The following DMD variants were observed in gnomAD, a reference collection of about 807,000 sequenced individuals.
DMD encodes mutant dystrophin.
DMD carries 63 observed loss-of-function variants against 330.1 expected under a neutral mutation model. That is an observed-to-expected ratio of 0.19 (90% CI 0.16 to 0.24). The LOEUF (loss-of-function observed/expected upper bound fraction) is 0.24. Among genes scored for constraint, DMD ranks in the 10% least tolerant of loss-of-function variants. The pLI is 1.00. For synonymous variants in DMD, 1,223 were observed against 959.8 expected, an observed-to-expected ratio of 1.27 and a Z score of -5.07; for missense variants, 3,344 against 2,684.1, an observed-to-expected ratio of 1.25 and a Z score of -5.43.
rs192690996 is a variant in DMD at position 32,691,271 on chromosome X, C to A, written c.960+6599G>T. 3.7e-3 allele frequency among the ~76,000 whole-genome samples: 400 copies of A among 107,937 alleles called. 3 individuals are homozygous for A. The highest frequency in any genetic ancestry group is 0.012 in the African/African-American group (367 of 29,847). 93.7% of individuals were successfully genotyped at this position (107,937 alleles called of 115,157 possible). A position where few individuals can be genotyped will look rare whatever the true frequency, so the allele number is the denominator to read the frequency against. On this transcript the variant is annotated intron_variant, in intron 9 of 78. Transcript: ENST00000357033. ...ACCTGAAGACCTTATATTATATTAA[C>A]AACTGGTTATCTTCTAAAATATATA...
chrX:32,199,848 T>G lies in DMD; in HGVS notation c.6438+17068A>C, dbSNP rs1051749481. Reference sequence around the variant, plus strand: ...TGTGTATTTTTAGTAGAGGTGGAGTTTCACCCTGTAGGCCAGGCTAGACTC... The same window carrying G: ...TGTGTATTTTTAGTAGAGGTGGAGTGTCACCCTGTAGGCCAGGCTAGACTC... On this transcript the variant is annotated intron_variant, in intron 44 of 78. Coordinates refer to ENST00000357033, the MANE Select transcript of DMD (RefSeq NM_004006.3). 3.0e-5 allele frequency among the ~76,000 whole-genome samples: 3 copies of G among 100,383 alleles called. No individual in the cohort carries two copies. The Admixed American group carries it at 3.4e-4, about 12-fold the overall frequency. The allele number at this position is 100,383 out of a possible 115,157, so 87.2% of individuals were successfully genotyped here.
chrX:32,772,255 C>A (rs1212763203), intron 7 of DMD, among the ~76,000 whole-genome samples: 1 of 112,722 alleles, frequency 8.9e-6, no homozygotes, highest in Non-Finnish European at 1.9e-5. Context: ...GCACTTACAT[C>A]CCACAAGATG....
At chrX:32,545,726 A>T (rs2048904365) in intron 16 of DMD, among the ~76,000 whole-genome samples, 1 of 111,500 alleles carries the variant, frequency 9.0e-6, no homozygotes, top group Admixed American at 9.6e-5. Flanking sequence ...CATTGCCTAG[A>T]ACATTTTAAA....
intron 17 of DMD, among the ~76,000 whole-genome samples, chrX:32,539,989 C>T (rs1020981428): frequency 7.2e-5 from 8 of 111,724 alleles, no homozygotes; most frequent in South Asian, 3.8e-4. Flanking sequence ...CATTTATGAA[C>T]GCTTTACTTG....
intron 60 of DMD, among the ~76,000 whole-genome samples, chrX:31,366,897 A>C (rs1260435932): frequency 3.6e-5 from 4 of 110,591 alleles, no homozygotes; most frequent in Non-Finnish European, 5.7e-5. Flanking sequence ...ATGCTACAGC[A>C]TAAGTGCCTT....
At chrX:32,848,479 T>C (rs1348490834) in intron 3 of DMD, among the ~76,000 whole-genome samples, 1 of 111,853 alleles carries the variant, frequency 8.9e-6, no homozygotes, top group East Asian at 2.8e-4. Flanking sequence ...TAAATCTGAT[T>C]TTCCCCCTTG....
intron 41 of DMD, among the ~76,000 whole-genome samples, chrX:32,314,962 T>C (rs2148628567): frequency 8.9e-6 from 1 of 111,826 alleles, no homozygotes; most frequent in Non-Finnish European, 1.9e-5. Flanking sequence ...AGTTCCACCA[T>C]TGTGGAAGAC....
intron 11 of DMD, among the ~76,000 whole-genome samples, chrX:32,640,690 A>T (rs2059391717): frequency 9.0e-6 from 1 of 111,382 alleles, no homozygotes; most frequent in Non-Finnish European, 1.9e-5. Context: ...ATAGTAAAGT[A>T]TACTTTTATC....
intron 45 of DMD, among the ~76,000 whole-genome samples, chrX:31,967,997 C>A (rs1270730457): frequency 9.0e-6 from 1 of 111,225 alleles, no homozygotes; most frequent in Non-Finnish European, 1.9e-5. Context: ...ACAAAACAAT[C>A]ATTTATAATT....
chrX:32,815,004 T>A (rs1270908142), intron 6 of DMD, among the ~76,000 whole-genome samples: 2 of 111,523 alleles, frequency 1.8e-5, no homozygotes, highest in African/African-American at 3.3e-5. Context: ...TCTCTATCCC[T>A]TCTCATCTAA....
intron 29 of DMD, among the ~76,000 whole-genome samples, chrX:32,433,314 T>A (rs1206136078): frequency 3.6e-5 from 4 of 111,695 alleles, no homozygotes; most frequent in Non-Finnish European, 7.5e-5. Context: ...AAGAGATGGG[T>A]CTAAATGCTC....
In DMD at chrX:31,409,882, G is replaced by A. The variant is rs767239344; in HGVS notation, c.9084+34599C>T. ...CGCCCAGGCTGGAGGGCAGTGACACGATCTCTGCTCACTGCAACCTCTGCC... is the reference window on the plus strand; with the variant it reads ...CGCCCAGGCTGGAGGGCAGTGACACAATCTCTGCTCACTGCAACCTCTGCC... On this transcript the variant is annotated intron_variant, in intron 60 of 78. Coordinates refer to ENST00000357033, the MANE Select transcript of DMD (RefSeq NM_004006.3). Among the ~76,000 whole-genome samples, 30 of 111,768 alleles carry A rather than the reference G, an allele frequency of 2.7e-4. No individual in the cohort carries two copies. In the East Asian group the frequency reaches 5.9e-3, roughly 22 times the overall value.
chrX:32,949,178 T>A (rs2091021836), intron 2 of DMD, among the ~76,000 whole-genome samples: 1 of 109,361 alleles, frequency 9.1e-6, no homozygotes, highest in Admixed American at 1.0e-4. Context: ...AACCTAGAGG[T>A]AAAGTGTATG....
chrX:32,260,115 G>A (rs2097315891), intron 43 of DMD, among the ~76,000 whole-genome samples: 1 of 111,212 alleles, frequency 9.0e-6, no homozygotes, highest in African/African-American at 3.3e-5. Context: ...TTTCGTGAGT[G>A]CAATTGTGAT....
At chrX:31,768,445 C>T (rs2090138330) in intron 51 of DMD, among the ~76,000 whole-genome samples, 1 of 107,873 alleles carries the variant, frequency 9.3e-6, no homozygotes, top group Non-Finnish European at 1.9e-5. Flanking sequence ...TTTCTCTCTC[C>T]TTCCCCTTTT....
chrX:33,160,994 A>G (rs2048744003), intron 1 of DMD, among the ~76,000 whole-genome samples: 2 of 112,018 alleles, frequency 1.8e-5, no homozygotes, highest in Admixed American at 1.9e-4. Context: ...ATTTCTCCCC[A>G]AATTTTGTAA....
intron 74 of DMD, among the ~76,000 whole-genome samples, chrX:31,149,548 A>G (rs925802475): frequency 4.4e-5 from 5 of 112,563 alleles, no homozygotes; most frequent in Non-Finnish European, 9.4e-5. Flanking sequence ...AACTAAGTTC[A>G]TAATAATTGA....
intron 16 of DMD, among the ~76,000 whole-genome samples, chrX:32,551,599 A>T (rs2049567384): frequency 1.8e-5 from 2 of 111,869 alleles, no homozygotes; most frequent in African/African-American, 6.5e-5. Context: ...GCCCTCTCTT[A>T]CAAATCTCAT....
intron 55 of DMD, among the ~76,000 whole-genome samples, chrX:31,569,606 G>GTATATACGTATATATACGTATATACGTA (rs2075661201): frequency 1.0e-5 from 1 of 95,368 alleles, no homozygotes; most frequent in East Asian, 3.1e-4. Flanking sequence ...ACACATATAT[G>GTATATACGTATATATACGTATATACGTA]TATATACGTA....
Sources: allele counts gnomAD v4.1 joint callset (sites outside exome capture counted in the v4.1 genomes callset), GRCh38; gene constraint gnomAD v4.1.1; transcripts MANE v1.5; gene names NCBI Gene and HGNC (gene_info 2026-07-23, HGNC 2026-07-21).